Variants in PPM1L observed in about 807,000 individuals in gnomAD.
The protein encoded by PPM1L is protein phosphatase, Mg2+/Mn2+ dependent 1L.
PPM1L carries 13 observed loss-of-function variants against 31.4 expected under a neutral mutation model. That is an observed-to-expected ratio of 0.41 (90% confidence interval 0.27 to 0.66). The LOEUF (loss-of-function observed/expected upper bound fraction) is 0.66. Ranked by LOEUF, PPM1L falls within the 30% of genes least tolerant of loss-of-function variation. The probability of loss-of-function intolerance (pLI) is 0.29; values close to 1 mark genes in which losing one functional copy is unlikely to be tolerated. For missense variants in PPM1L, 326 were observed against 453.7 expected, an observed-to-expected ratio of 0.72 and a Z score of 2.56; for synonymous variants, 184 against 175.4, an observed-to-expected ratio of 1.05 and a Z score of -0.39.
chr3:160,929,785 C>T (rs536048975), intron 1 of PPM1L, among the ~76,000 whole-genome samples: 3 of 152,334 alleles, frequency 2.0e-5, no homozygotes, highest in East Asian at 1.9e-4. Context: ...CCTTGTGGCT[C>T]GCATCTGTCC....
At chr3:160,783,599 T>TAAA (rs1711811418) in intron 1 of PPM1L, among the ~76,000 whole-genome samples, 1 of 71,260 alleles carries the variant, frequency 1.4e-5, no homozygotes, top group African/African-American at 1.4e-4. Context: ...AAACTCCATC[T>TAAA]CAAAAAAAAA....
chr3:160,922,541 T>C (rs1714451690), intron 1 of PPM1L, among the ~76,000 whole-genome samples: 1 of 152,220 alleles, frequency 6.6e-6, no homozygotes, highest in African/African-American at 2.4e-5. Flanking sequence ...GGTTCCCAAG[T>C]TATACAAATG....
intron 1 of PPM1L, among the ~76,000 whole-genome samples, chr3:160,837,745 A>G (rs1713762628): frequency 6.6e-6 from 1 of 152,190 alleles, no homozygotes; most frequent in Non-Finnish European, 1.5e-5. Context: ...GACAAAAGGA[A>G]ACAGGAAAGC....
chr3:161,071,506 C>T lies in PPM1L; in HGVS notation c.*2349C>T, dbSNP rs1448687705. On this transcript the variant is annotated 3_prime_UTR_variant, in exon 4 of 4. Transcript: ENST00000498165. The stretch of plus-strand genomic sequence containing the variant: ...TTCTCTCTAATTGAGGTTCACAAGG[C>T]GTCTTCTAAATTTTGCTTTGTACAA... The T allele has an allele frequency of 3.3e-5, 5 of 152,102 alleles. No individual in the cohort carries two copies. Among genetic ancestry groups the T allele is most frequent in the African/African-American group, 4.8e-5 (2 of 41,416 alleles). 9.4% of individuals were successfully genotyped at this position (152,102 alleles called of 1,614,324 possible). A position where few individuals can be genotyped will look rare whatever the true frequency, so the allele number is the denominator to read the frequency against.
intron 1 of PPM1L, among the ~76,000 whole-genome samples, chr3:160,861,810 G>T (rs571056911): frequency 6.6e-6 from 1 of 152,266 alleles, no homozygotes; most frequent in South Asian, 2.1e-4. Flanking sequence ...GAATTTGCTC[G>T]TGTTTTCCAG....
chr3:160,961,419 A>T (rs1715960240), intron 1 of PPM1L, among the ~76,000 whole-genome samples: 1 of 152,184 alleles, frequency 6.6e-6, no homozygotes, highest in Non-Finnish European at 1.5e-5. Context: ...ATTTGTATCC[A>T]GCAAAATCAC....
Position 160,961,719 on chromosome 3 carries a change from G to T in PPM1L, c.400-17G>T. 1 of 1,565,566 alleles carries T rather than the reference G, an allele frequency of 6.4e-7. No individual in the cohort carries two copies. Among genetic ancestry groups the T allele is most frequent in the South Asian group, 1.2e-5 (1 of 80,682 alleles). ...ATTTCTAATGGAGTTCTCTCTCTCTGACTGTTTTATCTGCAGACTGCAGCT... is the reference window on the plus strand; with the variant it reads ...ATTTCTAATGGAGTTCTCTCTCTCTTACTGTTTTATCTGCAGACTGCAGCT... On this transcript the variant is annotated splice_polypyrimidine_tract_variant and intron_variant, in intron 1 of 3. Transcript: ENST00000498165.
At chr3:161,066,230 T>G (rs376313269) in intron 3 of PPM1L, among the ~76,000 whole-genome samples, 48 of 152,280 alleles carry the variant, frequency 3.2e-4, no homozygotes, top group African/African-American at 1.1e-3. Context: ...CAGAGCAAGG[T>G]TGGGGGTAGA....
intron 1 of PPM1L, among the ~76,000 whole-genome samples, chr3:160,762,496 C>G (rs187303020): frequency 1.1e-3 from 162 of 152,190 alleles, no homozygotes; most frequent in Non-Finnish European, 1.8e-3. Context: ...TATGTGATGT[C>G]TAAAGATGAT....
At chr3:160,965,056 A>C (rs1010307793) in intron 2 of PPM1L, among the ~76,000 whole-genome samples, 44 of 151,726 alleles carry the variant, frequency 2.9e-4, no homozygotes, top group Admixed American at 1.8e-3. Flanking sequence ...TGGAGACCAT[A>C]CTGGCTAACA....
chr3:160,892,920 G>A lies in PPM1L; in HGVS notation c.400-68816G>A, dbSNP rs116505260. Among the ~76,000 whole-genome samples, 529 of 152,182 alleles carry A rather than the reference G, an allele frequency of 3.5e-3. 2 individuals are homozygous for A. Among genetic ancestry groups the A allele is most frequent in the African/African-American group, 0.012 (511 of 41,542 alleles). ...TTATTATTCTTTTGGCCATATAACA[G>A]GATTTCTGTTTCTAATGTAGGTGTT... is the stretch of plus-strand genomic sequence containing the variant. On this transcript the variant is annotated intron_variant, in intron 1 of 3. Coordinates refer to ENST00000498165, the MANE Select transcript of PPM1L (RefSeq NM_139245.4).
intron 1 of PPM1L, among the ~76,000 whole-genome samples, chr3:160,835,068 T>TTCTTCTTCTTCTTCTTCC (rs1713664387): frequency 6.7e-6 from 1 of 149,668 alleles, no homozygotes; most frequent in African/African-American, 2.5e-5. Flanking sequence ...CTTCTTCTTC[T>TTCTTCTTCTTCTTCTTCC]TCTTCTTCTT....
intron 1 of PPM1L, among the ~76,000 whole-genome samples, chr3:160,767,624 C>T (rs1715139617): frequency 6.6e-6 from 1 of 152,148 alleles, no homozygotes; most frequent in Non-Finnish European, 1.5e-5. Flanking sequence ...CACTTATTTG[C>T]ATTTGCTTTT....
chr3:160,971,989 A>G (rs1716356147), intron 2 of PPM1L, among the ~76,000 whole-genome samples: 1 of 152,104 alleles, frequency 6.6e-6, no homozygotes, highest in South Asian at 2.1e-4. Context: ...GCTGGTCTCA[A>G]ACTCCTGGCC....
At chr3:160,945,136 T>TAA (rs1715365962) in intron 1 of PPM1L, among the ~76,000 whole-genome samples, 1 of 139,250 alleles carries the variant, frequency 7.2e-6, no homozygotes, top group Non-Finnish European at 1.5e-5. Flanking sequence ...TATCTATCTA[T>TAA]CTATCTATCT....
intron 1 of PPM1L, among the ~76,000 whole-genome samples, chr3:160,804,081 C>A (rs957984934): frequency 6.6e-6 from 1 of 151,366 alleles, no homozygotes; most frequent in Non-Finnish European, 1.5e-5. Context: ...CCACGCCCAG[C>A]TAATTTTTTT....
At chr3:160,823,130 A>T (rs796342132) in intron 1 of PPM1L, among the ~76,000 whole-genome samples, 41 of 152,066 alleles carry the variant, frequency 2.7e-4, no homozygotes, top group African/African-American at 9.4e-4. Context: ...CAGGCACTGG[A>T]CTCCTGGAAG....
At position 160,756,750 on chromosome 3, in the gene PPM1L, C is replaced by CGTGTGTGTGTGTG; in HGVS notation, c.399+43_399+44insGTGTGTGTGTGTG. ...GCTTTGTATTTGTGTCCGTGTATGT[C>CGTGTGTGTGTGTG]TCGTGTGTGTGTGTGTGTGTGTGTG... is the stretch of plus-strand genomic sequence containing the variant. On this transcript the variant is annotated intron_variant, in intron 1 of 3. Transcript: ENST00000498165. This position sits in a 1 kb window ranked among gnomAD's most constrained non-coding sequence, Gnocchi z 6.2. 1 of 1,239,626 alleles carries CGTGTGTGTGTGTG rather than the reference C, an allele frequency of 8.1e-7. No homozygotes were observed. Among genetic ancestry groups the CGTGTGTGTGTGTG allele is most frequent in the Admixed American group, 2.1e-5 (1 of 46,916 alleles). The allele number at this position is 1,239,626 out of a possible 1,614,324, so 76.8% of individuals were successfully genotyped here. A position where few individuals can be genotyped will look rare whatever the true frequency, so the allele number is the denominator to read the frequency against.
chr3:161,003,454 A>G (rs1717580731), intron 2 of PPM1L, among the ~76,000 whole-genome samples: 1 of 151,606 alleles, frequency 6.6e-6, no homozygotes, highest in Non-Finnish European at 1.5e-5. Context: ...CACGATATTG[A>G]TTCTTCCTAC....
Sources: gnomAD v4.1 joint callset for allele counts (sites outside exome capture counted in the v4.1 genomes callset) on GRCh38, gnomAD v4.1.1 for gene constraint, Gnocchi (gnomAD v3.1) non-coding constraint, MANE v1.5 for transcripts, NCBI Gene and HGNC (gene_info 2026-07-23, HGNC 2026-07-21) for gene names.